Variants in ZNF98 observed in about 807,000 individuals in gnomAD.
ZNF98 encodes the protein zinc finger protein 98.
In ZNF98, 8 loss-of-function variants were observed where a neutral mutation model predicts 12.8. The observed-to-expected ratio is 0.63, with a 90% CI of 0.37 to 1.13. The LOEUF (loss-of-function observed/expected upper bound fraction) is 1.13. ZNF98 is among the 50% of genes most tolerant of loss of function. The pLI is 0.01. For synonymous variants in ZNF98, 112 were observed against 223.5 expected, an observed-to-expected ratio of 0.50 and a Z score of 4.45; for missense variants, 379 against 666.1, an observed-to-expected ratio of 0.57 and a Z score of 4.74.
chr19:22,404,679 T>A (rs1011896706), intron 1 of ZNF98, among the ~76,000 whole-genome samples: 1 of 152,196 alleles, frequency 6.6e-6, no homozygotes, highest in African/African-American at 2.4e-5. Flanking sequence ...CTGAATTTAA[T>A]CATAAAGAAA....
chr19:22,393,925 C>T (rs1185244868), intron 3 of ZNF98, among the ~76,000 whole-genome samples: 3 of 151,660 alleles, frequency 2.0e-5, no homozygotes, highest in Non-Finnish European at 4.4e-5. Context: ...AAAATCTATG[C>T]AATCTACCCA....
intron 3 of ZNF98, among the ~76,000 whole-genome samples, chr19:22,397,961 T>G (rs1444488141): frequency 6.6e-6 from 1 of 151,614 alleles, no homozygotes; most frequent in East Asian, 1.9e-4. Flanking sequence ...AGCACATATA[T>G]AAACTCTCAC....
Position 22,392,132 on chromosome 19 carries a change from T to C in ZNF98, c.1103A>G (p.His368Arg), listed in dbSNP as rs764840531. ...AFSRLSHLTT[H>R]KRIHSGEKPY... ...TTTCTCTCCAGAATGAATTCTCTTATGTGTAGTAAGGTGGGATAACCGGCT... is the reference window on the plus strand; with the variant it reads ...TTTCTCTCCAGAATGAATTCTCTTACGTGTAGTAAGGTGGGATAACCGGCT... Residue 368 changes from histidine (H) to arginine (R), a missense_variant, in exon 4 of 4, where the codon CAT becomes CGT. By Grantham distance (29) the His-to-Arg change is conservative. Around this residue, in one of 8 missense-constraint regions of ZNF98, gnomAD observed 15 missense variants for 27.0 expected, o/e 0.56. Coordinates refer to ENST00000357774, the MANE Select transcript of ZNF98 (RefSeq NM_001098626.2). 5.0e-6 allele frequency: 8 copies of C among 1,612,732 alleles called. No homozygotes were observed. Among genetic ancestry groups the C allele is most frequent in the Non-Finnish European group, 5.9e-6 (7 of 1,179,466 alleles).
In ZNF98 at chr19:22,422,291, G is replaced by A. The variant is rs1599393332; in HGVS notation, c.-67C>T. 3.8e-6 allele frequency: 6 copies of A among 1,593,884 alleles called. No homozygotes were observed. The South Asian group carries it at 5.5e-5, about 15-fold the overall frequency. On this transcript the variant is annotated 5_prime_UTR_variant, in exon 1 of 4. Transcript: ENST00000357774. ...AGAGGCTGGGCCTCTACGAGCAGAG[G>A]ACACAGAAGGGCGAAGACGAGACCA... is the stretch of plus-strand genomic sequence containing the variant.
chr19:22,421,402 T>A (rs952264325), intron 1 of ZNF98, among the ~76,000 whole-genome samples: 1 of 152,120 alleles, frequency 6.6e-6, no homozygotes, highest in Non-Finnish European at 1.5e-5. Flanking sequence ...ATGTGAAACA[T>A]GCAAGGGAAA....
chr19:22,413,952 T>C lies in ZNF98; in HGVS notation c.30+8243A>G, dbSNP rs12976566. On this transcript the variant is annotated intron_variant, in intron 1 of 3. Coordinates refer to ENST00000357774, the MANE Select transcript of ZNF98 (RefSeq NM_001098626.2). ...TATGCTCATGGATAGAAAAGATCAA[T>C]ATTGGCCAGGCAAAGTGGCTCACAC... Among the ~76,000 whole-genome samples, 608 of 128,896 alleles carry C rather than the reference T, an allele frequency of 4.7e-3. 2 individuals are homozygous for C. The highest frequency in any genetic ancestry group is 7.0e-3 in the Non-Finnish European group (425 of 60,534). The allele number at this position is 128,896 out of a possible 152,430, so 84.6% of individuals were successfully genotyped here.
At chr19:22,401,275 C>T (rs1415586889) in intron 3 of ZNF98, among the ~76,000 whole-genome samples, 2 of 151,916 alleles carry the variant, frequency 1.3e-5, no homozygotes, top group Non-Finnish European at 2.9e-5. Flanking sequence ...AATTAACATA[C>T]AAGTGTAAGT....
chr19:22,407,699 G>A (rs1969537081), intron 1 of ZNF98, among the ~76,000 whole-genome samples: 1 of 149,784 alleles, frequency 6.7e-6, no homozygotes, highest in African/African-American at 2.5e-5. Flanking sequence ...ATGACAGAGT[G>A]AGACTCTGTC....
intron 1 of ZNF98, among the ~76,000 whole-genome samples, chr19:22,415,907 A>C (rs1468055714): frequency 2.0e-5 from 3 of 149,616 alleles, no homozygotes; most frequent in African/African-American, 7.4e-5. Flanking sequence ...AGCTTGACCA[A>C]CATGGTGAAA....
intron 1 of ZNF98, among the ~76,000 whole-genome samples, chr19:22,411,326 C>T (rs188101329): frequency 4.2e-4 from 64 of 152,300 alleles, no homozygotes; most frequent in African/African-American, 1.1e-3. Flanking sequence ...TGTGAGCCAC[C>T]GCACCCAGCC....
At chr19:22,405,830 C>T (rs1247788636) in intron 1 of ZNF98, among the ~76,000 whole-genome samples, 4 of 152,192 alleles carry the variant, frequency 2.6e-5, no homozygotes, top group African/African-American at 4.8e-5. Context: ...GTGTCCCCCA[C>T]AGCCCAACAC....
At chr19:22,412,057 C>T (rs1261069611) in intron 1 of ZNF98, among the ~76,000 whole-genome samples, 1 of 152,170 alleles carries the variant, frequency 6.6e-6, no homozygotes, top group Non-Finnish European at 1.5e-5. Context: ...CTAAACTCAA[C>T]ACCTGACTAA....
Position 22,417,925 on chromosome 19 carries a change from G to C in ZNF98, c.30+4270C>G, listed in dbSNP as rs553092585. On this transcript the variant is annotated intron_variant, in intron 1 of 3. Coordinates refer to ENST00000357774, the MANE Select transcript of ZNF98 (RefSeq NM_001098626.2). ...GATCCTCTCTCATCCTGGGAGACCT[G>C]GAATCACAGGACAATGGGCAGTGTG... 2.6e-5 allele frequency among the ~76,000 whole-genome samples: 4 copies of C among 152,202 alleles called. No homozygotes were observed. In the South Asian group the frequency reaches 8.3e-4, roughly 32 times the overall value.
rs1969471597 is a variant in ZNF98 at position 22,402,594 on chromosome 19, A to C, written c.253+195T>G. On this transcript the variant is annotated intron_variant, in intron 3 of 3. Coordinates refer to ENST00000357774, the MANE Select transcript of ZNF98 (RefSeq NM_001098626.2). ...AGAAGATCACCAAAGGGAAAGTAAA[A>C]TCTTTAGAGATTTTAAAAATATAAG... The C allele has an allele frequency of 5.5e-6, 3 of 544,164 alleles. No homozygotes were observed. In the Admixed American group the frequency reaches 1.2e-4, roughly 22 times the overall value. The allele number at this position is 544,164 out of a possible 1,614,324, so 33.7% of individuals were successfully genotyped here. A position where few individuals can be genotyped will look rare whatever the true frequency, so the allele number is the denominator to read the frequency against.
intron 3 of ZNF98, among the ~76,000 whole-genome samples, chr19:22,395,411 G>A (rs1969380314): frequency 6.6e-6 from 1 of 151,300 alleles, no homozygotes; most frequent in Non-Finnish European, 1.5e-5. Flanking sequence ...TACAAAACAG[G>A]GCAATATAAT....
At chr19:22,394,910 A>G (rs992024909) in intron 3 of ZNF98, among the ~76,000 whole-genome samples, 1 of 152,134 alleles carries the variant, frequency 6.6e-6, no homozygotes, top group African/African-American at 2.4e-5. Context: ...GGTGGCTCAA[A>G]CCTGTAATCC....
intron 3 of ZNF98, among the ~76,000 whole-genome samples, chr19:22,395,178 GAAAA>G (rs71180538): frequency 1.0e-5 from 1 of 99,874 alleles, no homozygotes; most frequent in Non-Finnish European, 1.9e-5. Context: ...GTTTCAAAAA[GAAAA>G]AAAAAAAAAA....
In ZNF98 at chr19:22,391,068, T is replaced by C. The variant is rs1969315825; in HGVS notation, c.*448A>G. The C allele has an allele frequency of 6.4e-6, 1 of 155,760 alleles. No individual in the cohort carries two copies. Among genetic ancestry groups the C allele is most frequent in the Non-Finnish European group, 1.4e-5 (1 of 70,382 alleles). 9.6% of individuals were successfully genotyped at this position (155,760 alleles called of 1,614,324 possible). On this transcript the variant is annotated 3_prime_UTR_variant, in exon 4 of 4. Coordinates refer to ENST00000357774, the MANE Select transcript of ZNF98 (RefSeq NM_001098626.2). ...ACATTTACAGGGTTTTTCTTTGATA[T>C]AAATTCTCTGATGTTGAACAAAGTT...
chr19:22,419,900 G>A (rs895388352), intron 1 of ZNF98, among the ~76,000 whole-genome samples: 4 of 152,018 alleles, frequency 2.6e-5, no homozygotes, highest in African/African-American at 9.7e-5. Context: ...GGCTCAGCCT[G>A]TAGTCCCAGC....
Sources: gnomAD v4.1 joint callset for allele counts (sites outside exome capture counted in the v4.1 genomes callset) on GRCh38, gnomAD v4.1.1 for gene constraint, gnomAD v4.1.1 regional missense constraint, MANE v1.5 for transcripts, NCBI Gene and HGNC (gene_info 2026-07-23, HGNC 2026-07-21) for gene names.